GABRB1: variants seen among roughly 807,000 people sequenced by gnomAD.
The protein encoded by GABRB1 is gamma-aminobutyric acid type A receptor subunit beta1.
A neutral mutation model predicts 51.6 loss-of-function variants in GABRB1; 17 were observed. The observed-to-expected ratio is 0.33, with a 90% confidence interval of 0.23 to 0.49. The LOEUF is 0.49. GABRB1 is among the 20% of genes least tolerant of loss of function. The pLI is 0.99. For synonymous variants in GABRB1, 247 were observed against 218.9 expected (o/e 1.13, Z -1.14); for missense variants, 410 against 600.6 (o/e 0.68, Z 3.32).
intron 3 of GABRB1, among the ~76,000 whole-genome samples, chr4:47,127,463 A>G (rs1716205124): frequency 6.6e-6 from 1 of 151,868 alleles, no homozygotes; most frequent in South Asian, 2.1e-4. Context: ...ATGGGAATGA[A>G]CTTAAAAATG....
chr4:47,202,728 C>G (rs976585668), intron 4 of GABRB1, among the ~76,000 whole-genome samples: 6 of 152,138 alleles, frequency 3.9e-5, no homozygotes, highest in African/African-American at 1.4e-4. Context: ...ACACATTGCA[C>G]ATTCTTCTTG....
chr4:47,100,931 T>C (rs951405166), intron 3 of GABRB1, among the ~76,000 whole-genome samples: 1 of 151,898 alleles, frequency 6.6e-6, no homozygotes, highest in Non-Finnish European at 1.5e-5. Context: ...GAACATAACA[T>C]GTCAAGGAGA....
At chr4:47,304,159 A>G (rs1724362844) in intron 4 of GABRB1, among the ~76,000 whole-genome samples, 1 of 152,036 alleles carries the variant, frequency 6.6e-6, no homozygotes, top group African/African-American at 2.4e-5. Flanking sequence ...CTATTTACCC[A>G]GTAGACGGAT....
chr4:47,057,903 G>A (rs1726688697), intron 3 of GABRB1, among the ~76,000 whole-genome samples: 2 of 152,192 alleles, frequency 1.3e-5, no homozygotes, highest in African/African-American at 4.8e-5. Flanking sequence ...ATGGACAGAA[G>A]TGTGGTAAAG....
intron 3 of GABRB1, among the ~76,000 whole-genome samples, chr4:47,128,481 A>T (rs2109667018): frequency 6.6e-6 from 1 of 152,084 alleles, no homozygotes; most frequent in East Asian, 1.9e-4. Context: ...ATCACAGATA[A>T]AAGGAAAGAT....
intron 5 of GABRB1, among the ~76,000 whole-genome samples, chr4:47,396,785 A>C (rs994946809): frequency 6.6e-6 from 1 of 152,234 alleles, no homozygotes; most frequent in African/African-American, 2.4e-5. Context: ...TTATATCCTC[A>C]TCAGCAACAT....
At chr4:47,231,043 T>A (rs896734340) in intron 4 of GABRB1, among the ~76,000 whole-genome samples, 20 of 152,074 alleles carry the variant, frequency 1.3e-4, no homozygotes, top group African/African-American at 4.8e-4. Flanking sequence ...AAAACAGAAA[T>A]CCTGGGGCTA....
chr4:47,099,718 CTT>C (rs1294167907), intron 3 of GABRB1, among the ~76,000 whole-genome samples: 1 of 151,916 alleles, frequency 6.6e-6, no homozygotes, highest in African/African-American at 2.4e-5. Context: ...GAGCAGGAAA[CTT>C]AGAGAGAGGC....
intron 4 of GABRB1, among the ~76,000 whole-genome samples, chr4:47,205,644 A>T (rs868842539): frequency 6.6e-6 from 1 of 152,152 alleles, no homozygotes. Context: ...AGTTTAGTTC[A>T]ACAGCTATAA....
intron 4 of GABRB1, among the ~76,000 whole-genome samples, chr4:47,316,779 G>A (rs1377092564): frequency 1.3e-5 from 2 of 151,746 alleles, no homozygotes; most frequent in African/African-American, 2.4e-5. Context: ...CCCAATTCAG[G>A]GTAGCCTTTG....
At chr4:47,027,566 T>G (rs1725140382), upstream of GABRB1, among the ~76,000 whole-genome samples, 1 of 151,518 alleles carries the variant, frequency 6.6e-6, no homozygotes, top group South Asian at 2.1e-4. Context: ...TTAAAGAAAA[T>G]AATATATCAC....
At chr4:47,173,773 G>A (rs1361256014) in intron 4 of GABRB1, among the ~76,000 whole-genome samples, 1 of 151,958 alleles carries the variant, frequency 6.6e-6, no homozygotes, top group Admixed American at 6.6e-5. Context: ...CCTACATATC[G>A]TTAGCTGATT....
At chr4:47,348,450 AT>A (rs1318381093) in intron 5 of GABRB1, among the ~76,000 whole-genome samples, 1 of 152,162 alleles carries the variant, frequency 6.6e-6, no homozygotes, top group East Asian at 1.9e-4. Context: ...GCACAAAATG[AT>A]TTAAAATATT....
chr4:47,380,131 T>C (rs1030933609), intron 5 of GABRB1, among the ~76,000 whole-genome samples: 1 of 152,240 alleles, frequency 6.6e-6, no homozygotes, highest in African/African-American at 2.4e-5. Context: ...TTATAATTTG[T>C]TGTATATATT....
At chr4:47,199,054 T>C (rs866464959) in intron 4 of GABRB1, among the ~76,000 whole-genome samples, 3 of 152,094 alleles carry the variant, frequency 2.0e-5, no homozygotes, top group Non-Finnish European at 4.4e-5. Flanking sequence ...CAATTCAAGA[T>C]GAGATTTAGG....
chr4:47,188,400 A>G (rs1719280169), intron 4 of GABRB1, among the ~76,000 whole-genome samples: 1 of 151,902 alleles, frequency 6.6e-6, no homozygotes, highest in South Asian at 2.1e-4. Flanking sequence ...TTATTCACCC[A>G]TATATGTTTT....
chr4:46,999,643 G>T (rs1408416469), intron 1 of GABRB1, among the ~76,000 whole-genome samples: 1 of 152,138 alleles, frequency 6.6e-6, no homozygotes, highest in Non-Finnish European at 1.5e-5. Context: ...ATTCTCCAAA[G>T]AGCTGAAGAG....
chr4:47,091,301 T>C (rs922197692), intron 3 of GABRB1, among the ~76,000 whole-genome samples: 1 of 152,186 alleles, frequency 6.6e-6, no homozygotes, highest in Non-Finnish European at 1.5e-5. Context: ...ATTCAAGATG[T>C]TAACTTTTAA....
intron 5 of GABRB1, among the ~76,000 whole-genome samples, chr4:47,393,774 C>G (rs1308423417): frequency 6.6e-6 from 1 of 152,176 alleles, no homozygotes; most frequent in Non-Finnish European, 1.5e-5. Context: ...AGTTTAACTC[C>G]CTTGGGTCAA....
Sources: gnomAD v4.1 joint callset for allele counts (sites outside exome capture counted in the v4.1 genomes callset) on GRCh38, gnomAD v4.1.1 for gene constraint, MANE v1.5 for transcripts, NCBI Gene and HGNC (gene_info 2026-07-23, HGNC 2026-07-21) for gene names.